Variants in COLEC10 observed in about 807,000 individuals in gnomAD.
The protein encoded by COLEC10 is collectin subfamily member 10.
In COLEC10, 22 loss-of-function variants were observed where a neutral mutation model predicts 28.4. The ratio of observed to expected loss-of-function variants is 0.78; its 90% CI spans 0.55 to 1.11. COLEC10 has a LOEUF of 1.11. Ranked by LOEUF, COLEC10 falls within the 50% of genes least tolerant of loss-of-function variation. The pLI, the probability that COLEC10 is intolerant of heterozygous loss-of-function variation, is 0.00. For synonymous variants in COLEC10, 125 were observed against 116.1 expected (o/e 1.08, Z -0.49); for missense variants, 361 against 344.1 (o/e 1.05, Z -0.39).
chr8:119,018,225 G>C (rs568627188), intron 2 of COLEC10, among the ~76,000 whole-genome samples: 2 of 152,078 alleles, frequency 1.3e-5, no homozygotes, highest in East Asian at 3.9e-4. Flanking sequence ...TTATTCTTTC[G>C]CCCCTAGGGT....
intron 2 of COLEC10, among the ~76,000 whole-genome samples, chr8:119,043,575 C>T (rs1178865268): frequency 6.6e-6 from 1 of 152,196 alleles, no homozygotes. Flanking sequence ...TCTGGTGTGA[C>T]TTTCAATATA....
chr8:119,089,940 T>C (rs1410215535), intron 2 of COLEC10, among the ~76,000 whole-genome samples, 189 bp downstream of exon 2: 1 of 152,194 alleles, frequency 6.6e-6, no homozygotes, highest in African/African-American at 2.4e-5. Flanking sequence ...AAGACTCTCA[T>C]ATGTTTCTCA....
intron 2 of COLEC10, among the ~76,000 whole-genome samples, chr8:119,022,808 C>T (rs187030502): frequency 6.6e-6 from 1 of 152,222 alleles, no homozygotes; most frequent in East Asian, 1.9e-4. Flanking sequence ...CTGTTAAAAA[C>T]CCTCCAGTAG....
At chr8:118,961,832 T>C in the COLEC10 span, among the ~76,000 whole-genome samples, 3 of 152,306 alleles carry the variant, frequency 2.0e-5, no homozygotes, top group African/African-American at 7.2e-5. Flanking sequence ...AAGATTTCAA[T>C]GGGAATTTTG....
At chr8:119,042,123 G>A (rs749603524) in intron 2 of COLEC10, among the ~76,000 whole-genome samples, 4 of 151,612 alleles carry the variant, frequency 2.6e-5, no homozygotes, top group Admixed American at 6.6e-5. Context: ...TCAGCCCCCC[G>A]AGAAGCTGGG....
At chr8:119,091,603 A>G (rs199885970) in intron 3 of COLEC10, among the ~76,000 whole-genome samples, 186 of 100,892 alleles carry the variant, frequency 1.8e-3, no homozygotes, top group African/African-American at 0.012. Context: ...GAGAGAAAGA[A>G]AGAAAGAAAG....
intron 4 of COLEC10, 123 bp from the exon 5 acceptor site, chr8:119,103,677 C>A: frequency 5.0e-6 from 3 of 595,932 alleles, no homozygotes; most frequent in South Asian, 2.3e-5. Flanking sequence ...TAAAGTATAG[C>A]CATTCACAGA....
chr8:119,061,441 TG>T (rs146398001), intron 2 of COLEC10, among the ~76,000 whole-genome samples: 40,110 of 147,526 alleles, frequency 0.27, 5,884 homozygotes, highest in East Asian at 0.64. Context: ...TAGCTGGTAT[TG>T]AAAAAAAAAA....
chr8:118,964,792 T>C, the COLEC10 span, among the ~76,000 whole-genome samples: 1 of 152,182 alleles, frequency 6.6e-6, no homozygotes, highest in African/African-American at 2.4e-5. Flanking sequence ...GTAAAGACAT[T>C]TAACTCTGCT....
At chr8:118,978,663 T>C in the COLEC10 span, among the ~76,000 whole-genome samples, 1 of 152,098 alleles carries the variant, frequency 6.6e-6, no homozygotes, top group African/African-American at 2.4e-5. Context: ...CACATATATG[T>C]ATATGATTCT....
intron 2 of COLEC10, 80 bp downstream of exon 2, chr8:119,089,831 G>T (rs1815554078): frequency 2.5e-6 from 3 of 1,193,206 alleles, no homozygotes; most frequent in African/African-American, 1.5e-5. Flanking sequence ...CTGGAAATTA[G>T]CAGCTTTCAT....
the COLEC10 span, among the ~76,000 whole-genome samples, chr8:118,967,239 C>T: frequency 6.6e-6 from 1 of 151,886 alleles, no homozygotes; most frequent in Admixed American, 6.6e-5. Context: ...TTCTGATGTA[C>T]AAGTCTGGTT....
intron 1 of COLEC10, chr8:118,995,619 C>T (rs1813575488): frequency 6.6e-6 from 1 of 152,100 alleles, no homozygotes; most frequent in Admixed American, 6.5e-5. Flanking sequence ...GTGCATGAAA[C>T]AATTTGTTTT....
rs577036593 is a variant in COLEC10, at chr8:119,055,406, A to G, written n.236-34274A>G. On this transcript the variant is annotated intron_variant and non_coding_transcript_variant, in intron 2 of 6. Coordinates refer to the COLEC10 transcript ENST00000521788. ...TTATTTTCCTATTTCTCAGGAGCCC[A>G]TGTACTGTAAACCTTTATTTGACCT... 1.6e-4 allele frequency among the ~76,000 whole-genome samples: 25 copies of G among 152,204 alleles called. No individual in the cohort carries two copies. The East Asian group carries it at 4.1e-3, about 25-fold the overall frequency.
At chr8:118,954,591 C>T in the COLEC10 span, among the ~76,000 whole-genome samples, 7 of 152,238 alleles carry the variant, frequency 4.6e-5, no homozygotes, top group Admixed American at 1.3e-4. Context: ...GCAGAATGTT[C>T]CGTAACTTTA....
the COLEC10 span, among the ~76,000 whole-genome samples, chr8:118,967,775 G>C: frequency 6.6e-6 from 1 of 151,962 alleles, no homozygotes; most frequent in Non-Finnish European, 1.5e-5. Flanking sequence ...TTTGTTTTAG[G>C]TCCTTGCTAT....
chr8:119,089,846 C>T, intron 2 of COLEC10, 95 bp downstream of exon 2: 1 of 923,186 alleles, frequency 1.1e-6, no homozygotes, highest in South Asian at 1.5e-5. Flanking sequence ...TTTCATAATG[C>T]CCTCTGCCCC....
intron 1 of COLEC10, chr8:119,067,671 T>G: frequency 2.5e-6 from 1 of 399,776 alleles, no homozygotes; most frequent in East Asian, 4.4e-5. Context: ...TGAGGGAACT[T>G]ACCCAGGGCA....
chr8:118,982,500 AC>A, the COLEC10 span: 1 of 156,416 alleles, frequency 6.4e-6, no homozygotes, highest in Admixed American at 6.5e-5. Flanking sequence ...GGAACGGTGC[AC>A]CTACACATCT....
Sources: gnomAD v4.1 joint callset for allele counts (sites outside exome capture counted in the v4.1 genomes callset) on GRCh38, gnomAD v4.1.1 for gene constraint, MANE v1.5 for transcripts, NCBI Gene and HGNC (gene_info 2026-07-23, HGNC 2026-07-21) for gene names.